LOC128125817: variants seen among roughly 807,000 people sequenced by gnomAD.
At chr1:41,589,571 C>A in the LOC128125817 span, among the ~76,000 whole-genome samples, 1 of 152,196 alleles carries the variant, frequency 6.6e-6, no homozygotes, top group Admixed American at 6.5e-5. Flanking sequence ...GGTGGACACC[C>A]CAGAGGACAT....
chr1:41,598,825 A>ATTTATTTATTTATTTATTTATTTATTTAT, the LOC128125817 span, among the ~76,000 whole-genome samples: 261 of 151,450 alleles, frequency 1.7e-3, no homozygotes, highest in East Asian at 0.011. Flanking sequence ...TTATTTATTT[A>ATTTATTTATTTATTTATTTATTTATTTAT]TTTATTTAGG....
the LOC128125817 span, among the ~76,000 whole-genome samples, chr1:41,603,575 G>A: frequency 6.6e-6 from 1 of 151,858 alleles, no homozygotes; most frequent in Non-Finnish European, 1.5e-5. Flanking sequence ...GGCCAAGCTG[G>A]TCTTGAACTC....
At chr1:41,613,995 T>C in the LOC128125817 span, among the ~76,000 whole-genome samples, 1 of 152,268 alleles carries the variant, frequency 6.6e-6, no homozygotes, top group Non-Finnish European at 1.5e-5. Flanking sequence ...TTTCCTGGTG[T>C]TTCTCACAGC....
At chr1:41,598,806 G>GTTAC in the LOC128125817 span, among the ~76,000 whole-genome samples, 1 of 147,016 alleles carries the variant, frequency 6.8e-6, no homozygotes, top group Admixed American at 6.8e-5. Flanking sequence ...GTCACATGAT[G>GTTAC]TTATTTATTT....
At chr1:41,616,848 T>C in the LOC128125817 span, among the ~76,000 whole-genome samples, 1 of 152,178 alleles carries the variant, frequency 6.6e-6, no homozygotes, top group Admixed American at 6.5e-5. Flanking sequence ...GGCCAATAGG[T>C]TGTGAGCAGT....
chr1:41,604,978 A>G, the LOC128125817 span, among the ~76,000 whole-genome samples: 1 of 151,634 alleles, frequency 6.6e-6, no homozygotes, highest in African/African-American at 2.4e-5. Flanking sequence ...GGTGGTGCAC[A>G]CCTGTGGTCC....
chr1:41,587,020 T>C, the LOC128125817 span, among the ~76,000 whole-genome samples: 5 of 152,228 alleles, frequency 3.3e-5, no homozygotes, highest in South Asian at 8.3e-4. Flanking sequence ...AATTCAGCTA[T>C]ATATTTATAT....
the LOC128125817 span, among the ~76,000 whole-genome samples, chr1:41,623,580 G>A: frequency 2.0e-5 from 3 of 152,138 alleles, no homozygotes; most frequent in Non-Finnish European, 4.4e-5. Context: ...AAACCACCAG[G>A]CCTGGCTCTC....
the LOC128125817 span, among the ~76,000 whole-genome samples, chr1:41,592,330 A>C: frequency 1.3e-5 from 2 of 152,162 alleles, no homozygotes; most frequent in African/African-American, 4.8e-5. Context: ...CTGCAACATG[A>C]AATTGGGCTG....
chr1:41,585,721 CAG>C, the LOC128125817 span, among the ~76,000 whole-genome samples: 1 of 152,156 alleles, frequency 6.6e-6, no homozygotes, highest in Non-Finnish European at 1.5e-5. Flanking sequence ...ATCGGTAAAA[CAG>C]ATAACAAATC....
At chr1:41,610,693 C>T in the LOC128125817 span, among the ~76,000 whole-genome samples, 16,443 of 152,262 alleles carry the variant, frequency 0.11, 1,495 homozygotes, top group East Asian at 0.47. Context: ...TCCAGCTCCA[C>T]CCAGGGAGCC....
the LOC128125817 span, among the ~76,000 whole-genome samples, chr1:41,605,375 GCACACACACACACACA>G: frequency 1.6e-4 from 20 of 126,706 alleles, no homozygotes; most frequent in African/African-American, 5.7e-4. Flanking sequence ...ACGCACACGC[GCACACACACACACACA>G]CACACACACA....
chr1:41,607,064 T>C, the LOC128125817 span, among the ~76,000 whole-genome samples: 3 of 152,116 alleles, frequency 2.0e-5, no homozygotes, highest in African/African-American at 7.2e-5. Context: ...GCTTAGGCAA[T>C]CCTCCCACCT....
the LOC128125817 span, among the ~76,000 whole-genome samples, chr1:41,597,037 C>T: frequency 6.6e-6 from 1 of 152,122 alleles, no homozygotes; most frequent in Non-Finnish European, 1.5e-5. Context: ...TAAATCATTT[C>T]CCTTGGATGA....
At chr1:41,628,248 G>T in the LOC128125817 span, among the ~76,000 whole-genome samples, 1 of 152,196 alleles carries the variant, frequency 6.6e-6, no homozygotes, top group Non-Finnish European at 1.5e-5. Context: ...GGCAGGTGGG[G>T]TGAGAAAGGG....
At chr1:41,600,272 T>C in the LOC128125817 span, among the ~76,000 whole-genome samples, 2 of 152,202 alleles carry the variant, frequency 1.3e-5, no homozygotes, top group African/African-American at 4.8e-5. Flanking sequence ...TACATCTATG[T>C]TCATAGCGGC....
the LOC128125817 span, among the ~76,000 whole-genome samples, chr1:41,591,059 CA>C: frequency 7.2e-5 from 11 of 152,192 alleles, 1 homozygote; most frequent in Admixed American, 2.6e-4. Flanking sequence ...ATATAGTAAG[CA>C]TTCAATAAAT....
chr1:41,608,659 T>C, the LOC128125817 span, among the ~76,000 whole-genome samples: 3 of 152,266 alleles, frequency 2.0e-5, no homozygotes, highest in Non-Finnish European at 4.4e-5. Context: ...TTTTCTGCTC[T>C]GATTGCTCTG....
At chr1:41,596,604 A>G in the LOC128125817 span, among the ~76,000 whole-genome samples, 1 of 152,226 alleles carries the variant, frequency 6.6e-6, no homozygotes, top group Non-Finnish European at 1.5e-5. Flanking sequence ...CACTCAGTAA[A>G]ATATTAAAAA....
Sources: gnomAD v4.1 joint callset for allele counts (sites outside exome capture counted in the v4.1 genomes callset) on GRCh38, gnomAD v4.1.1 for gene constraint, MANE v1.5 for transcripts.